The following IFT57 variants were observed in gnomAD, a reference collection of about 807,000 sequenced individuals.
IFT57 encodes intraflagellar transport protein 57 homolog.
A neutral mutation model predicts 56.8 loss-of-function variants in IFT57; 59 were observed. The observed-to-expected ratio is 1.04, with a 90% CI of 0.84 to 1.29. The LOEUF is 1.29. Among genes scored for constraint, IFT57 ranks in the 50% most tolerant of loss-of-function variants. The pLI is 0.00. For missense variants in IFT57, 470 were observed against 522.1 expected (o/e 0.90, Z 0.97); for synonymous variants, 209 against 186.1 (o/e 1.12, Z -1.00).
intron 5 of IFT57, among the ~76,000 whole-genome samples, chr3:108,206,361 T>A (rs9870968): frequency 0.096 from 14,556 of 151,754 alleles, 756 homozygotes; most frequent in Middle Eastern, 0.12. Context: ...CATAATAAAA[T>A]ATGTCACCAG....
In IFT57 at chr3:108,163,648, T is replaced by C. The variant is rs763703306; in HGVS notation, c.1111+15A>G. ...CTCTTGCTCAGTTTTTCCCCTAAAA[T>C]GAGCATGTACTTACCACCATCAGTC... On this transcript the variant is annotated intron_variant, in intron 10 of 10. Transcript: ENST00000264538. 6.3e-7 allele frequency: 1 copy of C among 1,589,076 alleles called. No homozygotes were observed. The highest frequency in any genetic ancestry group is 1.7e-5 in the Admixed American group (1 of 58,828).
At chr3:108,180,760 A>G (rs2080147511) in intron 6 of IFT57, among the ~76,000 whole-genome samples, 1 of 152,126 alleles carries the variant, frequency 6.6e-6, no homozygotes, top group Admixed American at 6.6e-5. Context: ...GAGTCAAGCC[A>G]ATAAAAAGTA....
chr3:108,190,380 C>T (rs1473955438), intron 6 of IFT57, among the ~76,000 whole-genome samples: 2 of 152,126 alleles, frequency 1.3e-5, no homozygotes, highest in African/African-American at 4.8e-5. Flanking sequence ...AAGGGAGGAA[C>T]CTGGTGGGAA....
intron 5 of IFT57, among the ~76,000 whole-genome samples, chr3:108,196,121 A>G (rs2080243276): frequency 6.6e-6 from 1 of 152,126 alleles, no homozygotes; most frequent in Non-Finnish European, 1.5e-5. Context: ...AATATGCACT[A>G]TGTGTTCATA....
At chr3:108,203,868 A>G (rs1370579076) in intron 5 of IFT57, among the ~76,000 whole-genome samples, 1 of 152,230 alleles carries the variant, frequency 6.6e-6, no homozygotes, top group Non-Finnish European at 1.5e-5. Flanking sequence ...TTTTAAAACC[A>G]TAGACAGGGA....
chr3:108,165,373 C>A lies in IFT57; in HGVS notation c.1044+58G>T, dbSNP rs56197414. 1.0e-5 allele frequency: 14 copies of A among 1,396,860 alleles called. No homozygotes were observed. In the South Asian group the frequency reaches 1.6e-4, roughly 16 times the overall value. 86.5% of individuals were successfully genotyped at this position (1,396,860 alleles called of 1,614,324 possible). ...AGCAGTGTTAAACCATTTGTAGGTT[C>A]TCAATGGCTGGGGCCCAGCTGACAG... On this transcript the variant is annotated intron_variant, in intron 9 of 10. Coordinates refer to ENST00000264538, the MANE Select transcript of IFT57 (RefSeq NM_018010.4).
Position 108,166,931 on chromosome 3 carries a change from T to C in IFT57, c.904A>G (p.Ser302Gly). The stretch of plus-strand genomic sequence containing the variant: ...TGATTGTTGATGTACTTTTCTCGGC[T>C]GCTGATCTTTTCCAAAGTCCTAGTA... ...EITRTLEKIS[S>G]REKYINNQLE... The change falls in exon 8 of 11, where the codon AGC (serine) becomes GGC (glycine). Residue 302 changes from serine (S) to glycine (G), a missense_variant. Physicochemically the swap from Ser to Gly is moderately conservative, Grantham distance 56 (BLOSUM62 0). Transcript: ENST00000264538. 1 of 1,611,712 alleles carries C rather than the reference T, an allele frequency of 6.2e-7. No individual in the cohort carries two copies. Among genetic ancestry groups the C allele is most frequent in the Non-Finnish European group, 8.5e-7 (1 of 1,178,562 alleles).
chr3:108,209,434 T>C (rs1211498131), intron 4 of IFT57, among the ~76,000 whole-genome samples: 3 of 152,166 alleles, frequency 2.0e-5, no homozygotes, highest in Admixed American at 2.0e-4. Context: ...TATTTGAAGA[T>C]TATGGTTTAA....
Position 108,206,706 on chromosome 3 carries a change from T to C in IFT57, c.586-10A>G. On this transcript the variant is annotated splice_polypyrimidine_tract_variant and intron_variant, in intron 4 of 10. Coordinates refer to ENST00000264538, the MANE Select transcript of IFT57 (RefSeq NM_018010.4). ...TATCTGTCTCTTCTTCCTTAGAAAA[T>C]AAATTTTTAAAAAATTATTAAAAAT... 1.9e-6 allele frequency: 2 copies of C among 1,054,686 alleles called. No homozygotes were observed. Among genetic ancestry groups the C allele is most frequent in the Admixed American group, 2.8e-5 (1 of 35,802 alleles). The allele number at this position is 1,054,686 out of a possible 1,614,324, so 65.3% of individuals were successfully genotyped here. A position where few individuals can be genotyped will look rare whatever the true frequency, so the allele number is the denominator to read the frequency against.
chr3:108,190,213 T>C (rs1010436576), intron 6 of IFT57, among the ~76,000 whole-genome samples: 7 of 152,228 alleles, frequency 4.6e-5, no homozygotes, highest in African/African-American at 7.2e-5. Context: ...TTGGGGTTAA[T>C]GCTGGAATGA....
intron 3 of IFT57, among the ~76,000 whole-genome samples, chr3:108,216,344 T>A (rs144304814): frequency 5.8e-4 from 89 of 152,276 alleles, no homozygotes; most frequent in Non-Finnish European, 1.1e-3. Flanking sequence ...AAAAAATACA[T>A]AGAAACGGCC....
chr3:108,195,465 C>T (rs1422591637), intron 5 of IFT57, among the ~76,000 whole-genome samples: 4 of 152,080 alleles, frequency 2.6e-5, no homozygotes, highest in African/African-American at 4.8e-5. Context: ...AATGCTGCTG[C>T]GGAGCATATA....
intron 5 of IFT57, among the ~76,000 whole-genome samples, chr3:108,202,326 T>A (rs1052274165): frequency 6.6e-6 from 1 of 152,222 alleles, no homozygotes. Context: ...AGTGCCCAAC[T>A]GACATATGCA....
chr3:108,218,456 T>A, intron 3 of IFT57, 79 bp downstream of exon 3: 1 of 558,304 alleles, frequency 1.8e-6, no homozygotes. Flanking sequence ...TTCTTTTATG[T>A]TCAATTGAAC....
At chr3:108,217,618 T>C (rs996850425) in intron 3 of IFT57, among the ~76,000 whole-genome samples, 2 of 151,868 alleles carry the variant, frequency 1.3e-5, no homozygotes, top group African/African-American at 4.8e-5. Context: ...ATAGGGAGAT[T>C]ATATCTAAAA....
chr3:108,214,888 T>C lies in IFT57; in HGVS notation c.495-867A>G, dbSNP rs554377591. Among the ~76,000 whole-genome samples, 251 of 152,302 alleles carry C rather than the reference T, an allele frequency of 1.6e-3. 3 individuals are homozygous for C. The highest frequency in any genetic ancestry group is 1.3e-3 in the Non-Finnish European group (88 of 67,994). On this transcript the variant is annotated intron_variant, in intron 3 of 10. Coordinates refer to ENST00000264538, the MANE Select transcript of IFT57 (RefSeq NM_018010.4). ...GGCTATTCAAGATTGTTATAGTTCT[T>C]CTTAGATAGAGTTGGTAACCTTTTC...
intron 3 of IFT57, among the ~76,000 whole-genome samples, chr3:108,217,671 A>AAT (rs199652755): frequency 9.9e-5 from 15 of 151,318 alleles, no homozygotes; most frequent in South Asian, 8.3e-4. Flanking sequence ...AACAGGGAAT[A>AAT]ATATATATAT....
chr3:108,192,836 T>C (rs972094872), intron 5 of IFT57, among the ~76,000 whole-genome samples: 5 of 152,048 alleles, frequency 3.3e-5, no homozygotes, highest in Admixed American at 1.3e-4. Flanking sequence ...TGACATGGCA[T>C]GGTTTTTTTT....
chr3:108,176,203 A>G (rs1053695720), intron 6 of IFT57, among the ~76,000 whole-genome samples: 1 of 151,844 alleles, frequency 6.6e-6, no homozygotes, highest in Non-Finnish European at 1.5e-5. Context: ...AAAACTATTT[A>G]CAAGGGCGCT....
Sources: allele counts gnomAD v4.1 joint callset (sites outside exome capture counted in the v4.1 genomes callset), GRCh38; gene constraint gnomAD v4.1.1; transcripts MANE v1.5; gene names NCBI Gene and HGNC (gene_info 2026-07-23, HGNC 2026-07-21).